The following BICRA variants were observed in gnomAD, a reference collection of about 807,000 sequenced individuals.
BICRA encodes BRD4 interacting chromatin remodeling complex associated protein.
In BICRA, 31 loss-of-function variants were observed where a neutral mutation model predicts 96.9. The ratio of observed to expected loss-of-function variants is 0.32; its 90% CI spans 0.24 to 0.43. The LOEUF (loss-of-function observed/expected upper bound fraction) is 0.43. Ranked by LOEUF, BICRA falls within the 20% of genes least tolerant of loss-of-function variation. BICRA has a pLI of 1.00. For missense variants in BICRA, 2,283 were observed against 2,190.3 expected, an observed-to-expected ratio of 1.04 and a Z score of -0.84; for synonymous variants, 1,350 against 1,071.8, an observed-to-expected ratio of 1.26 and a Z score of -5.07.
rs1488697936 is a variant in BICRA at position 47,694,841 on chromosome 19, T to C, written c.2896-59T>C. On this transcript the variant is annotated intron_variant, in intron 8 of 14. Coordinates refer to ENST00000594866, the MANE Select transcript of BICRA (RefSeq NM_001394372.1). ...TGATCCTCCCCAGCCCTGCTGCGTC[T>C]GGACACCCCTACACCTAGCCTATGT... 3 of 1,311,514 alleles carry C rather than the reference T, an allele frequency of 2.3e-6. No individual in the cohort carries two copies. The African/African-American group carries it at 4.4e-5, about 19-fold the overall frequency. The allele number at this position is 1,311,514 out of a possible 1,614,324, so 81.2% of individuals were successfully genotyped here.
At position 47,699,119 on chromosome 19, in the gene BICRA, T is replaced by C; in HGVS notation, c.3492+60T>C. 2.5e-6 allele frequency: 3 copies of C among 1,213,880 alleles called. No homozygotes were observed. The highest frequency in any genetic ancestry group is 3.6e-6 in the Non-Finnish European group (3 of 844,030). The allele number at this position is 1,213,880 out of a possible 1,614,324, so 75.2% of individuals were successfully genotyped here. A position where few individuals can be genotyped will look rare whatever the true frequency, so the allele number is the denominator to read the frequency against. On this transcript the variant is annotated intron_variant, in intron 13 of 14. Coordinates refer to ENST00000594866, the MANE Select transcript of BICRA (RefSeq NM_001394372.1). This position sits in a 1 kb window ranked among gnomAD's most constrained non-coding sequence, Gnocchi z 5.0. Reference sequence around the variant, plus strand: ...CCTCCTCGCTGGGACACTGCCCCTTTCCCTCACCCGCTCTGGGCAAGGTGG... The same window carrying C: ...CCTCCTCGCTGGGACACTGCCCCTTCCCCTCACCCGCTCTGGGCAAGGTGG...
intron 7 of BICRA, among the ~76,000 whole-genome samples, chr19:47,691,152 G>A (rs903523508): frequency 3.3e-5 from 5 of 152,184 alleles, no homozygotes; most frequent in African/African-American, 4.8e-5. Context: ...CTGCTCCCAC[G>A]CTCACTTGTG....
At chr19:47,613,202 G>A (rs1212792424) in intron 1 of BICRA, among the ~76,000 whole-genome samples, 1 of 152,064 alleles carries the variant, frequency 6.6e-6, no homozygotes, top group South Asian at 2.1e-4. Context: ...TATGAAGGGG[G>A]AGTTCCTGGG....
At chr19:47,662,078 C>T (rs1276985539) in intron 1 of BICRA, 4 of 152,320 alleles carry the variant, frequency 2.6e-5, no homozygotes, top group African/African-American at 9.6e-5. Context: ...GTGATTACAC[C>T]ACTGCAGTCC....
At chr19:47,625,830 A>T (rs1972131454) in intron 1 of BICRA, among the ~76,000 whole-genome samples, 1 of 151,296 alleles carries the variant, frequency 6.6e-6, no homozygotes, top group Non-Finnish European at 1.5e-5. Flanking sequence ...GAGACACAGG[A>T]GGAGAGGGAG....
intron 1 of BICRA, among the ~76,000 whole-genome samples, chr19:47,650,000 G>A (rs773507228): frequency 3.9e-5 from 6 of 151,928 alleles, no homozygotes; most frequent in Non-Finnish European, 5.9e-5. Flanking sequence ...CGCCCGAACT[G>A]GAGTACAGTG....
Position 47,702,048 on chromosome 19 carries a change from T to C in BICRA, c.4316T>C (p.Leu1439Pro). 6.7e-7 allele frequency: 1 copy of C among 1,497,000 alleles called. No homozygotes were observed. Among genetic ancestry groups the C allele is most frequent in the Non-Finnish European group, 8.8e-7 (1 of 1,132,120 alleles). 92.7% of individuals were successfully genotyped at this position (1,497,000 alleles called of 1,614,324 possible). A position where few individuals can be genotyped will look rare whatever the true frequency, so the allele number is the denominator to read the frequency against. ...GAGCTGGCGGCCGTGGAGGACGAGCTGTACCAGCGTATGCTGAAGGGCCCC... is the reference window on the plus strand; with the variant it reads ...GAGCTGGCGGCCGTGGAGGACGAGCCGTACCAGCGTATGCTGAAGGGCCCC... ...IRELAAVEDELYQRMLKGPPP... is the reference protein window; with the variant it reads ...IRELAAVEDEPYQRMLKGPPP... Residue 1439 changes from leucine to proline, a missense_variant, in exon 15 of 15, where the codon CTG becomes CCG. By Grantham distance (98) the Leu-to-Pro change is moderately conservative. Coordinates refer to ENST00000594866, the MANE Select transcript of BICRA (RefSeq NM_001394372.1).
At position 47,701,590 on chromosome 19, in the gene BICRA, C is replaced by T. The variant is rs982835441; in HGVS notation, c.3858C>T (p.Asp1286=). ...CCTCCTCCTTGGACGCCGACGAGGACGGCCCCATGCCCTCCCGCAACCGCC... is the reference window on the plus strand; with the variant it reads ...CCTCCTCCTTGGACGCCGACGAGGATGGCCCCATGCCCTCCCGCAACCGCC... The part of the protein sequence containing the change: ...SAASSLDADE[D]GPMPSRNRPP... The change falls in exon 15 of 15, where the codon GAC becomes GAT. Residue 1286 remains aspartate, a synonymous_variant. Transcript: ENST00000594866. This position sits in a 1 kb window ranked among gnomAD's most constrained non-coding sequence, Gnocchi z 5.4. 27 of 1,556,840 alleles carry T rather than the reference C, an allele frequency of 1.7e-5. No individual in the cohort carries two copies. Among genetic ancestry groups the T allele is most frequent in the Admixed American group, 1.9e-5 (1 of 51,460 alleles).
chr19:47,641,864 C>G lies in BICRA; in HGVS notation c.-107-28579C>G, dbSNP rs548858999. ...GGGATATCTTTCCATTTATTTGTGTCTTCTGTAATTTCTTGCATCCATGTA... is the reference window on the plus strand; with the variant it reads ...GGGATATCTTTCCATTTATTTGTGTGTTCTGTAATTTCTTGCATCCATGTA... On this transcript the variant is annotated intron_variant, in intron 1 of 14. Coordinates refer to ENST00000594866, the MANE Select transcript of BICRA (RefSeq NM_001394372.1). Among the ~76,000 whole-genome samples the G allele has an allele frequency of 1.6e-4, 24 of 152,142 alleles. No homozygotes were observed. The South Asian group carries it at 2.1e-3, about 13-fold the overall frequency.
At position 47,680,851 on chromosome 19, in the gene BICRA, C is replaced by T. The variant is rs1973037041; in HGVS notation, c.1681C>T (p.Leu561=). 6.3e-7 allele frequency: 1 copy of T among 1,576,150 alleles called. No individual in the cohort carries two copies. The change falls in exon 6 of 15, where the codon CTG becomes TTG. Residue 561 remains leucine (L), a synonymous_variant. Transcript: ENST00000594866. ...TGCGCTCTTCCAGATGCCCGTGTCG[C>T]TGGCGGCGGGCAGCCTGCCCACGCA... ...QPALFQMPVS[L]AAGSLPTQSQ... is the part of the protein sequence containing the mutation.
chr19:47,619,967 C>T (rs564705727), intron 1 of BICRA, among the ~76,000 whole-genome samples: 4 of 152,268 alleles, frequency 2.6e-5, no homozygotes, highest in African/African-American at 9.6e-5. Flanking sequence ...AGTACCTGCT[C>T]CCAGAAGCAG....
At chr19:47,629,543 G>T (rs1387598907) in intron 1 of BICRA, among the ~76,000 whole-genome samples, 1 of 152,194 alleles carries the variant, frequency 6.6e-6, no homozygotes, top group Admixed American at 6.6e-5. Context: ...TCCGTTGCAT[G>T]AATAGACCAC....
At position 47,680,177 on chromosome 19, in the gene BICRA, T is replaced by G; in HGVS notation, c.1007T>G (p.Leu336Arg). ...AVAPGLGSSPLVPAPNVILHR... is the reference protein window; with the variant it reads ...AVAPGLGSSPRVPAPNVILHR... ...GCCCCAGGCCTCGGCTCGTCGCCAC[T>G]GGTCCCGGCGCCCAACGTGATCCTG... is the stretch of plus-strand genomic sequence containing the variant. Residue 336 changes from leucine to arginine, a missense_variant, in exon 6 of 15, where the codon CTG becomes CGG. Leu to Arg is a moderately radical substitution (Grantham distance 102). Transcript: ENST00000594866. 6.5e-7 allele frequency: 1 copy of G among 1,539,096 alleles called. No individual in the cohort carries two copies. Among genetic ancestry groups the G allele is most frequent in the Non-Finnish European group, 8.7e-7 (1 of 1,151,940 alleles).
At chr19:47,619,201 C>CATATATATGTATATATACAT (rs1555784004) in intron 1 of BICRA, among the ~76,000 whole-genome samples, 167 of 141,298 alleles carry the variant, frequency 1.2e-3, no homozygotes, top group Non-Finnish European at 1.7e-3. Flanking sequence ...TGTATATATA[C>CATATATATGTATATATACAT]ATATATATAT....
intron 1 of BICRA, among the ~76,000 whole-genome samples, chr19:47,640,424 G>T (rs1972367076): frequency 6.6e-6 from 1 of 152,002 alleles, no homozygotes; most frequent in African/African-American, 2.4e-5. Flanking sequence ...CAGCTACTCG[G>T]GAGGCTGAGG....
At chr19:47,692,975 G>A (rs1328378055) in intron 7 of BICRA, among the ~76,000 whole-genome samples, 1 of 152,242 alleles carries the variant, frequency 6.6e-6, no homozygotes, top group Non-Finnish European at 1.5e-5. Flanking sequence ...AGCCTGGAGA[G>A]TCTGGACCAG....
intron 2 of BICRA, among the ~76,000 whole-genome samples, chr19:47,672,122 G>C (rs1257998091): frequency 4.6e-5 from 6 of 131,826 alleles, no homozygotes; most frequent in African/African-American, 1.8e-4. Context: ...GATGGAGGAT[G>C]GGTAGGTAGA....
rs556407667 is a variant in BICRA, at chr19:47,655,776, A to T, written c.-107-14667A>T. On this transcript the variant is annotated intron_variant, in intron 1 of 14. Coordinates refer to ENST00000594866, the MANE Select transcript of BICRA (RefSeq NM_001394372.1). ...GAGGCTGAGGCAGGAGAATCCCTTG[A>T]ACCTGGGAGGTGGAGGTTGCAGTGA... 5.1e-4 allele frequency among the ~76,000 whole-genome samples: 77 copies of T among 151,680 alleles called. 1 individual carries two copies. The highest frequency in any genetic ancestry group is 1.7e-3 in the African/African-American group (72 of 41,362).
chr19:47,699,793 A>C lies in BICRA; in HGVS notation c.3595+388A>C, dbSNP rs2123614469. 6.6e-6 allele frequency among the ~76,000 whole-genome samples: 1 copy of C among 152,158 alleles called. No homozygotes were observed. Among genetic ancestry groups the C allele is most frequent in the East Asian group, 1.9e-4 (1 of 5,172 alleles). On this transcript the variant is annotated intron_variant, in intron 14 of 14. Coordinates refer to ENST00000594866, the MANE Select transcript of BICRA (RefSeq NM_001394372.1). The surrounding 1 kb of genome is among the most constrained non-coding windows in gnomAD (Gnocchi z 5.0). ...GAGTGAGCACCTCCTTAAGTGTTGC[A>C]CCTTAGGTGGCTCGCTGGCCTCACT...
Sources: allele counts gnomAD v4.1 joint callset (sites outside exome capture counted in the v4.1 genomes callset), GRCh38; gene constraint gnomAD v4.1.1; non-coding constraint Gnocchi (gnomAD v3.1); transcripts MANE v1.5; gene names NCBI Gene and HGNC (gene_info 2026-07-23, HGNC 2026-07-21).